PLEKHA2: variants seen among roughly 807,000 people sequenced by gnomAD.
PLEKHA2 encodes the protein pleckstrin homology domain containing A2.
PLEKHA2 carries 28 observed loss-of-function variants against 53.2 expected under a neutral mutation model. That is an observed-to-expected ratio of 0.53 (90% CI 0.39 to 0.72). PLEKHA2 has a LOEUF of 0.72. Ranked by LOEUF, PLEKHA2 falls within the 30% of genes least tolerant of loss-of-function variation. The pLI, the probability that PLEKHA2 is intolerant of heterozygous loss-of-function variation, is 0.00. For missense variants in PLEKHA2, 426 were observed against 537.9 expected (o/e 0.79, Z 2.06); for synonymous variants, 193 against 196.4 (o/e 0.98, Z 0.14).
chr8:38,914,560 C>T (rs1717055819), intron 1 of PLEKHA2, among the ~76,000 whole-genome samples: 1 of 152,252 alleles, frequency 6.6e-6, no homozygotes, highest in Non-Finnish European at 1.5e-5. Flanking sequence ...AGAGGGCCTT[C>T]ATGGGCTTGG....
chr8:38,950,731 G>T (rs752166149), intron 5 of PLEKHA2, 119 bp from the exon 6 acceptor site: 77 of 1,282,632 alleles, frequency 6.0e-5, no homozygotes, highest in Non-Finnish European at 7.8e-5. Context: ...GGGAGGACAC[G>T]CAAGTCTGAC....
At chr8:38,949,188 C>T (rs1249371452) in intron 5 of PLEKHA2, among the ~76,000 whole-genome samples, 1 of 151,952 alleles carries the variant, frequency 6.6e-6, no homozygotes, top group African/African-American at 2.4e-5. Flanking sequence ...AGCTGTTAAT[C>T]CTGGCTTTGG....
In PLEKHA2 at chr8:38,953,161, G is replaced by T. The variant is rs969254651; in HGVS notation, c.703-136G>T. 321 of 758,600 alleles carry T rather than the reference G, an allele frequency of 4.2e-4. 3 individuals carry two copies. In the East Asian group the frequency reaches 7.7e-3, roughly 18 times the overall value. 47.0% of individuals were successfully genotyped at this position (758,600 alleles called of 1,614,324 possible). A position where few individuals can be genotyped will look rare whatever the true frequency, so the allele number is the denominator to read the frequency against. On this transcript the variant is annotated intron_variant, in intron 8 of 11. Coordinates refer to ENST00000617275, the MANE Select transcript of PLEKHA2 (RefSeq NM_021623.2). Reference sequence around the variant, plus strand: ...CAGCCAGATTTTTTTTTCTCTTGCTGATTATTTTGAGACCAGATTATTTGT... The same window carrying T: ...CAGCCAGATTTTTTTTTCTCTTGCTTATTATTTTGAGACCAGATTATTTGT...
At chr8:38,952,852 A>G (rs1834872379) in intron 8 of PLEKHA2, 148 bp downstream of exon 8, 1 of 773,428 alleles carries the variant, frequency 1.3e-6, no homozygotes, top group African/African-American at 1.7e-5. Flanking sequence ...CTGTGCACAC[A>G]TCTTTACAGT....
intron 2 of PLEKHA2, among the ~76,000 whole-genome samples, chr8:38,918,425 C>G (rs1834104182): frequency 2.0e-5 from 3 of 146,672 alleles, no homozygotes; most frequent in South Asian, 4.4e-4. Context: ...ACACACACCA[C>G]ACACACCATA....
chr8:38,968,155 A>G (rs1212852815), intron 10 of PLEKHA2, among the ~76,000 whole-genome samples: 1 of 152,196 alleles, frequency 6.6e-6, no homozygotes. Flanking sequence ...TATTCTGTTC[A>G]GATAGTTACA....
chr8:38,921,342 C>T (rs1049222962), intron 2 of PLEKHA2, among the ~76,000 whole-genome samples: 1 of 152,244 alleles, frequency 6.6e-6, no homozygotes, highest in Admixed American at 6.5e-5. Flanking sequence ...TAGGGCTGTG[C>T]TTTACCCGAA....
At chr8:38,952,936 A>AT (rs146846522) in intron 8 of PLEKHA2, among the ~76,000 whole-genome samples, 3,268 of 151,966 alleles carry the variant, frequency 0.022, 61 homozygotes, top group Non-Finnish European at 0.033. Context: ...TTCTTCTTAT[A>AT]TTTTTTTGTC....
rs1250457584 is a variant in PLEKHA2, at chr8:38,922,877, C to T, written c.141+4807C>T. Among the ~76,000 whole-genome samples the T allele has an allele frequency of 1.3e-5, 2 of 152,168 alleles. No individual in the cohort carries two copies. The highest frequency in any genetic ancestry group is 2.1e-4 in the South Asian group (1 of 4,830). ...CTCATGGTTGTGCAGGTGGTAAATG[C>T]AGCGCTGGAGCCAGGTCCATCGACT... On this transcript the variant is annotated intron_variant, in intron 2 of 11. Transcript: ENST00000617275. This position sits in a 1 kb window ranked among gnomAD's most constrained non-coding sequence, Gnocchi z 4.0.
At chr8:38,941,545 G>A (rs1406687560) in intron 3 of PLEKHA2, among the ~76,000 whole-genome samples, 1 of 152,192 alleles carries the variant, frequency 6.6e-6, no homozygotes, top group Non-Finnish European at 1.5e-5. Context: ...AGGAGGCCAG[G>A]CAATTTTTTC....
intron 4 of PLEKHA2, 134 bp from the exon 5 acceptor site, chr8:38,945,990 T>A (rs1267356379): frequency 5.9e-6 from 4 of 673,070 alleles, no homozygotes; most frequent in Non-Finnish European, 1.0e-5. Flanking sequence ...CTTAGCATCA[T>A]GGGAGATTTC....
intron 2 of PLEKHA2, among the ~76,000 whole-genome samples, chr8:38,920,406 G>T (rs1432935937): frequency 6.6e-6 from 1 of 151,872 alleles, no homozygotes; most frequent in Admixed American, 6.6e-5. Flanking sequence ...TGCCCACCTT[G>T]GCCTCCCAAA....
chr8:38,915,803 T>C (rs565302706), intron 1 of PLEKHA2, among the ~76,000 whole-genome samples: 7 of 152,324 alleles, frequency 4.6e-5, no homozygotes, highest in Admixed American at 4.6e-4. Context: ...CTTTGTGACT[T>C]AATTCCTGGC....
intron 4 of PLEKHA2, among the ~76,000 whole-genome samples, chr8:38,945,210 T>C (rs1169082048): frequency 2.6e-5 from 4 of 152,234 alleles, no homozygotes; most frequent in African/African-American, 9.6e-5. Context: ...ATAGTTTCTG[T>C]TGCCTATCTG....
At chr8:38,967,341 T>C (rs1411882199) in intron 10 of PLEKHA2, among the ~76,000 whole-genome samples, 1 of 152,230 alleles carries the variant, frequency 6.6e-6, no homozygotes, top group Non-Finnish European at 1.5e-5. Context: ...GAAGATATAA[T>C]GATTTCTTTT....
In PLEKHA2 at chr8:38,966,606, G is replaced by A. The variant is rs567227764; in HGVS notation, c.838-1986G>A. 5.9e-5 allele frequency among the ~76,000 whole-genome samples: 9 copies of A among 152,268 alleles called. No individual in the cohort carries two copies. In the East Asian group the frequency reaches 1.4e-3, roughly 23 times the overall value. Reference sequence around the variant, plus strand: ...ACTGACAGGCTCCACCGGCAGTAGCGAGGCCGCTGGAGTTTCCTCCCTTTT... The same window carrying A: ...ACTGACAGGCTCCACCGGCAGTAGCAAGGCCGCTGGAGTTTCCTCCCTTTT... On this transcript the variant is annotated intron_variant, in intron 10 of 11. Coordinates refer to ENST00000617275, the MANE Select transcript of PLEKHA2 (RefSeq NM_021623.2).
chr8:38,951,346 C>T (rs1291156062), intron 6 of PLEKHA2, among the ~76,000 whole-genome samples: 2 of 152,078 alleles, frequency 1.3e-5, no homozygotes, highest in Admixed American at 6.6e-5. Flanking sequence ...CATTCCCTAT[C>T]CTTCCCTTTC....
At position 38,952,632 on chromosome 8, in the gene PLEKHA2, A is replaced by G. The variant is rs369737302; in HGVS notation, c.634-4A>G. On this transcript the variant is annotated splice_region_variant and splice_polypyrimidine_tract_variant and intron_variant, in intron 7 of 11. Transcript: ENST00000617275. ...ATGGTCTGCCTTTTATTTTTTTATT[A>G]CAGCGGAAGAGCTGGAAACGTCGCT... The G allele has an allele frequency of 3.7e-6, 6 of 1,606,520 alleles. No homozygotes were observed. Among genetic ancestry groups the G allele is most frequent in the South Asian group, 1.1e-5 (1 of 91,028 alleles).
intron 2 of PLEKHA2, among the ~76,000 whole-genome samples, chr8:38,918,607 T>TAC (rs1564110134): frequency 1.0e-4 from 1 of 9,796 alleles, no homozygotes; most frequent in Non-Finnish European, 2.3e-4. Context: ...CATACACACA[T>TAC]ACACAAGCCA....
Sources: gnomAD v4.1 joint callset for allele counts (sites outside exome capture counted in the v4.1 genomes callset) on GRCh38, gnomAD v4.1.1 for gene constraint, Gnocchi (gnomAD v3.1) non-coding constraint, MANE v1.5 for transcripts, NCBI Gene and HGNC (gene_info 2026-07-23, HGNC 2026-07-21) for gene names.